CACNA2D2: variants seen among roughly 807,000 people sequenced by gnomAD.
The protein encoded by CACNA2D2 is voltage-dependent calcium channel subunit alpha-2/delta-2.
CACNA2D2 carries 48 observed loss-of-function variants against 166.4 expected under a neutral mutation model. The observed-to-expected ratio is 0.29, with a 90% CI of 0.23 to 0.37. The LOEUF is 0.37. Ranked by LOEUF, CACNA2D2 falls within the 10% of genes least tolerant of loss-of-function variation. The probability of loss-of-function intolerance (pLI) is 1.00; values close to 1 mark genes in which losing one functional copy is unlikely to be tolerated. For missense variants in CACNA2D2, 1,122 were observed against 1,433.0 expected, an observed-to-expected ratio of 0.78 and a Z score of 3.50; for synonymous variants, 561 against 573.7, an observed-to-expected ratio of 0.98 and a Z score of 0.32.
chr3:50,474,828 G>T (rs999744996), intron 2 of CACNA2D2, among the ~76,000 whole-genome samples: 1 of 152,198 alleles, frequency 6.6e-6, no homozygotes, highest in South Asian at 2.1e-4. Flanking sequence ...TTCCGGAACA[G>T]CTTTTTCTAC....
chr3:50,447,823 T>G (rs893673380), intron 2 of CACNA2D2, among the ~76,000 whole-genome samples: 1 of 152,158 alleles, frequency 6.6e-6, no homozygotes, highest in Non-Finnish European at 1.5e-5. Context: ...CCTGGGGAAC[T>G]CTGACCTCTT....
chr3:50,433,553 C>G (rs899430101), intron 3 of CACNA2D2, among the ~76,000 whole-genome samples: 1 of 152,118 alleles, frequency 6.6e-6, no homozygotes, highest in Non-Finnish European at 1.5e-5. Context: ...TTGTCTTTGA[C>G]ACAGGCTGGA....
At chr3:50,497,876 C>T (rs1221823242) in intron 1 of CACNA2D2, among the ~76,000 whole-genome samples, 3 of 152,008 alleles carry the variant, frequency 2.0e-5, no homozygotes, top group South Asian at 2.1e-4. Context: ...TTGGGGAATA[C>T]GAATATTGAT....
intron 1 of CACNA2D2, among the ~76,000 whole-genome samples, chr3:50,484,490 G>A (rs541511917): frequency 2.0e-5 from 3 of 152,062 alleles, no homozygotes; most frequent in Non-Finnish European, 2.9e-5. Flanking sequence ...CTCACCCCTC[G>A]GTGTGGCCTG....
At chr3:50,460,842 A>G (rs1709557416) in intron 2 of CACNA2D2, among the ~76,000 whole-genome samples, 1 of 152,040 alleles carries the variant, frequency 6.6e-6, no homozygotes, top group African/African-American at 2.4e-5. Context: ...TGACAGAGCA[A>G]GACTCCGTCT....
At chr3:50,444,060 A>G (rs1708730819) in intron 2 of CACNA2D2, among the ~76,000 whole-genome samples, 1 of 152,204 alleles carries the variant, frequency 6.6e-6, no homozygotes, top group Non-Finnish European at 1.5e-5. Flanking sequence ...GAAAAGGGCA[A>G]AATCTGCTTT....
At chr3:50,490,155 C>T (rs774119126) in intron 1 of CACNA2D2, among the ~76,000 whole-genome samples, 1 of 151,996 alleles carries the variant, frequency 6.6e-6, no homozygotes, top group Non-Finnish European at 1.5e-5. Context: ...GCGGGGCAGA[C>T]GGCTGGGAAG....
At chr3:50,438,662 A>G (rs954801656) in intron 2 of CACNA2D2, among the ~76,000 whole-genome samples, 15 of 152,188 alleles carry the variant, frequency 9.9e-5, no homozygotes, top group African/African-American at 3.6e-4. Flanking sequence ...CGTGCCTGGA[A>G]CATAGAGACA....
chr3:50,453,645 G>A (rs955036986), intron 2 of CACNA2D2, among the ~76,000 whole-genome samples: 1 of 152,212 alleles, frequency 6.6e-6, no homozygotes, highest in African/African-American at 2.4e-5. Flanking sequence ...GGGCTGCTCA[G>A]GATTTGCACC....
chr3:50,410,738 C>T (rs1706971993), intron 3 of CACNA2D2, among the ~76,000 whole-genome samples: 1 of 152,202 alleles, frequency 6.6e-6, no homozygotes, highest in Admixed American at 6.5e-5. Context: ...CTTGGGTGTC[C>T]ACGGAGGGAG....
intron 1 of CACNA2D2, among the ~76,000 whole-genome samples, chr3:50,476,915 CTT>C (rs754976759): frequency 2.7e-5 from 4 of 149,106 alleles, no homozygotes; most frequent in Non-Finnish European, 4.5e-5. Flanking sequence ...TGGGATTGCT[CTT>C]TGTTTCTTTT....
rs895464293 is a variant in CACNA2D2 at position 50,394,008 on chromosome 3, C to G, written c.465+101G>C. On this transcript the variant is annotated intron_variant, in intron 4 of 37. Coordinates refer to ENST00000424201, the MANE Select transcript of CACNA2D2 (RefSeq NM_006030.4). Reference sequence around the variant, plus strand: ...TTCTGGCTCTACTCCACAGACCCCTCTGTGTCCCTCATGTGTCTGGGCAGC... The same window carrying G: ...TTCTGGCTCTACTCCACAGACCCCTGTGTGTCCCTCATGTGTCTGGGCAGC... 8 of 1,021,686 alleles carry G rather than the reference C, an allele frequency of 7.8e-6. No individual in the cohort carries two copies. In the East Asian group the frequency reaches 1.2e-4, roughly 16 times the overall value. 63.3% of individuals were successfully genotyped at this position (1,021,686 alleles called of 1,614,324 possible).
rs1311396345 is a variant in CACNA2D2 at position 50,366,814 on chromosome 3, C to T, written c.2589+17G>A. On this transcript the variant is annotated intron_variant, in intron 29 of 37. Coordinates refer to ENST00000424201, the MANE Select transcript of CACNA2D2 (RefSeq NM_006030.4). The surrounding 1 kb of genome is among the most constrained non-coding windows in gnomAD (Gnocchi z 5.9). ...AAGGGCACTGCTGGGTTACTGCCCC[C>T]GCCCCTGCCCAAATACCTTCTGAGG... The T allele has an allele frequency of 3.1e-6, 5 of 1,611,538 alleles. No homozygotes were observed. The highest frequency in any genetic ancestry group is 2.7e-5 in the African/African-American group (2 of 74,840).
chr3:50,432,631 C>A (rs1708125596), intron 3 of CACNA2D2, among the ~76,000 whole-genome samples: 1 of 152,222 alleles, frequency 6.6e-6, no homozygotes, highest in South Asian at 2.1e-4. Context: ...GGGCTGCTAT[C>A]CCTGCAGAAG....
At chr3:50,429,000 C>A (rs553786461) in intron 3 of CACNA2D2, among the ~76,000 whole-genome samples, 1 of 152,228 alleles carries the variant, frequency 6.6e-6, no homozygotes, top group Non-Finnish European at 1.5e-5. Context: ...GAGGCCGAGG[C>A]GCGCAGGTTG....
chr3:50,443,299 C>G (rs1489097800), intron 2 of CACNA2D2, among the ~76,000 whole-genome samples: 1 of 152,254 alleles, frequency 6.6e-6, no homozygotes. Flanking sequence ...GCCTCCCCAT[C>G]CAGTTGGCCC....
intron 3 of CACNA2D2, among the ~76,000 whole-genome samples, chr3:50,405,479 GTTTGGGCAACCACCTGGGT>G (rs1291622147): frequency 6.6e-6 from 1 of 152,152 alleles, no homozygotes; most frequent in Non-Finnish European, 1.5e-5. Flanking sequence ...TCAGGGCTGG[GTTTGGGCAACCACCTGGGT>G]GTTATCTTGC....
chr3:50,493,235 C>A (rs1159845880), intron 1 of CACNA2D2, among the ~76,000 whole-genome samples: 11 of 152,192 alleles, frequency 7.2e-5, no homozygotes, highest in Non-Finnish European at 1.6e-4. Context: ...CCCAAGGTGA[C>A]CCCATCCTCG....
chr3:50,454,289 G>A (rs781121979), intron 2 of CACNA2D2, among the ~76,000 whole-genome samples: 12 of 152,242 alleles, frequency 7.9e-5, no homozygotes, highest in African/African-American at 9.6e-5. Context: ...GGACTCCACA[G>A]CATTTGCTTG....
Sources: allele counts gnomAD v4.1 joint callset (sites outside exome capture counted in the v4.1 genomes callset), GRCh38; gene constraint gnomAD v4.1.1; non-coding constraint Gnocchi (gnomAD v3.1); transcripts MANE v1.5; gene names NCBI Gene and HGNC (gene_info 2026-07-23, HGNC 2026-07-21).